The following CFAP43 variants were observed in gnomAD, a reference collection of about 807,000 sequenced individuals.
CFAP43 encodes cilia- and flagella-associated protein 43.
Under a neutral mutation model 218.9 loss-of-function variants are expected in CFAP43, and 155 were observed. The observed-to-expected ratio is 0.71, with a 90% confidence interval of 0.62 to 0.81. CFAP43 has a LOEUF of 0.81. Ranked by LOEUF, CFAP43 falls within the 30% of genes least tolerant of loss-of-function variation. The probability of loss-of-function intolerance (pLI) is 0.00; values close to 1 mark genes in which losing one functional copy is unlikely to be tolerated. For synonymous variants in CFAP43, 645 were observed against 681.3 expected (o/e 0.95, Z 0.83); for missense variants, 1,778 against 1,954.3 (o/e 0.91, Z 1.70).
Position 104,188,294 on chromosome 10 carries a change from T to A in CFAP43, c.1663A>T (p.Thr555Ser). The A allele has an allele frequency of 6.2e-7, 1 of 1,614,138 alleles. No individual in the cohort carries two copies. The change falls in exon 13 of 38, where the codon ACA becomes TCA. Residue 555 changes from threonine (T) to serine (S), a missense_variant. Thr to Ser is a moderately conservative substitution (Grantham distance 58, BLOSUM62 1). Transcript: ENST00000357060. ...EAGRSRLEMF[T>S]LPTLLPQVST... ...CCTTGTGGCAGTAATGTAGGCAGTG[T>A]GAACATCTCCAACCTGCTTCTCCCT...
At chr10:104,213,085 C>T (rs1018865363) in intron 4 of CFAP43, among the ~76,000 whole-genome samples, 1 of 152,070 alleles carries the variant, frequency 6.6e-6, no homozygotes, top group Non-Finnish European at 1.5e-5. Flanking sequence ...GAGATATCAC[C>T]CACTTTTATT....
Position 104,161,136 on chromosome 10 carries a change from TGCCATGA to T in CFAP43, c.3434_3440del (p.Phe1145Ter), listed in dbSNP as rs1398688364. 6.2e-7 allele frequency: 1 copy of T among 1,613,856 alleles called. No individual in the cohort carries two copies. Among genetic ancestry groups the T allele is most frequent in the Non-Finnish European group, 8.5e-7 (1 of 1,179,892 alleles). On this transcript the variant is annotated frameshift_variant, in exon 27 of 38. Coordinates refer to ENST00000357060, the MANE Select transcript of CFAP43 (RefSeq NM_025145.7). LOFTEE classifies it high-confidence loss of function. ...CTTCAGTCCACACAGCATCAGGTTT[TGCCATGA>T]AAGCAGGTTGAGGAATCACCTGAAG...
At chr10:104,153,258 T>C (rs1467833526) in intron 27 of CFAP43, among the ~76,000 whole-genome samples, 1 of 152,170 alleles carries the variant, frequency 6.6e-6, no homozygotes, top group Non-Finnish European at 1.5e-5. Context: ...TCCTCTCTTT[T>C]TAAAAAATTC....
At chr10:104,154,854 C>T (rs1304879163) in intron 27 of CFAP43, among the ~76,000 whole-genome samples, 1 of 152,204 alleles carries the variant, frequency 6.6e-6, no homozygotes, top group South Asian at 2.1e-4. Flanking sequence ...GTCTTTCTCA[C>T]TTTTCCAATG....
chr10:104,143,935 C>G (rs2087825909), intron 31 of CFAP43, among the ~76,000 whole-genome samples: 1 of 152,150 alleles, frequency 6.6e-6, no homozygotes, highest in African/African-American at 2.4e-5. Context: ...TGTAAGCAGG[C>G]AAATAAATCA....
At chr10:104,157,182 G>T (rs1029420103) in intron 27 of CFAP43, among the ~76,000 whole-genome samples, 1 of 152,212 alleles carries the variant, frequency 6.6e-6, no homozygotes, top group African/African-American at 2.4e-5. Flanking sequence ...ACTTTGTAGA[G>T]AACAAAGTGG....
In CFAP43 at chr10:104,192,181, C is replaced by G; in HGVS notation, c.1546+18G>C. On this transcript the variant is annotated intron_variant, in intron 12 of 37. Coordinates refer to ENST00000357060, the MANE Select transcript of CFAP43 (RefSeq NM_025145.7). ...GAAATAATCAATATTTTAAATTAATCAGCATTCTATGTTGTACCTGTGAAT... is the reference window on the plus strand; with the variant it reads ...GAAATAATCAATATTTTAAATTAATGAGCATTCTATGTTGTACCTGTGAAT... The G allele has an allele frequency of 1.3e-6, 2 of 1,526,004 alleles. No individual in the cohort carries two copies. The highest frequency in any genetic ancestry group is 1.8e-6 in the Non-Finnish European group (2 of 1,117,272). The allele number at this position is 1,526,004 out of a possible 1,614,324, so 94.5% of individuals were successfully genotyped here. A position where few individuals can be genotyped will look rare whatever the true frequency, so the allele number is the denominator to read the frequency against.
chr10:104,192,875 TG>T (rs2090272602), intron 11 of CFAP43: 1 of 155,032 alleles, frequency 6.5e-6, no homozygotes, highest in Non-Finnish European at 1.4e-5. Flanking sequence ...CAGTCCACAG[TG>T]GCAGGGCCAG....
At chr10:104,215,510 G>A (rs535744331) in intron 3 of CFAP43, among the ~76,000 whole-genome samples, 3 of 152,202 alleles carry the variant, frequency 2.0e-5, no homozygotes, top group East Asian at 1.9e-4. Flanking sequence ...GGCAAAGACC[G>A]TCATCCCTGG....
At position 104,225,487 on chromosome 10, in the gene CFAP43, A is replaced by G; in HGVS notation, c.390T>C (p.Ser130=). The G allele has an allele frequency of 6.2e-7, 1 of 1,612,670 alleles. No homozygotes were observed. The highest frequency in any genetic ancestry group is 8.5e-7 in the Non-Finnish European group (1 of 1,179,126). The part of the protein sequence containing the change: ...YCGTYLASYS[S]LPEFELALWN... ...AAAGGGCCAGTTCAAATTCTGGGAGAGAGGAGTAACTAGCCAGGTAGGTGC... is the reference window on the plus strand; with the variant it reads ...AAAGGGCCAGTTCAAATTCTGGGAGGGAGGAGTAACTAGCCAGGTAGGTGC... Residue 130 remains serine, a synonymous_variant, in exon 3 of 38, where the codon TCT becomes TCC. Transcript: ENST00000357060.
chr10:104,179,155 CAGAG>C (rs60561340), intron 18 of CFAP43, 49 bp from the exon 19 acceptor site: 147,492 of 1,027,724 alleles, frequency 0.14, 2,631 homozygotes, highest in Middle Eastern at 0.21. Context: ...AAATATCAGA[CAGAG>C]AGAGAGAGAG....
chr10:104,193,691 G>T, intron 11 of CFAP43, 175 bp downstream of exon 11: 1 of 791,210 alleles, frequency 1.3e-6, no homozygotes, highest in Non-Finnish European at 1.9e-6. Context: ...TGGGTATGGG[G>T]GGTACTTTAC....
intron 37 of CFAP43, 78 bp from the exon 38 acceptor site, chr10:104,130,383 T>A: frequency 6.6e-7 from 1 of 1,511,604 alleles, no homozygotes; most frequent in Non-Finnish European, 8.9e-7. Context: ...GAATCATACA[T>A]GTGGAAGAAA....
chr10:104,131,216 A>G (rs1296730206), intron 37 of CFAP43, 115 bp downstream of exon 37: 8 of 1,274,106 alleles, frequency 6.3e-6, no homozygotes, highest in Non-Finnish European at 8.6e-6. Flanking sequence ...AATTATTTTA[A>G]ACAATGTATT....
intron 12 of CFAP43, among the ~76,000 whole-genome samples, chr10:104,190,135 CAAAAAAAAAAAAAA>C: frequency 3.9e-5 from 2 of 50,772 alleles, no homozygotes; most frequent in South Asian, 8.4e-4. Flanking sequence ...GACTCCATCT[CAAAAAAAAAAAAAA>C]AAAAAAAAAA....
rs755524431 is a variant in CFAP43, at chr10:104,168,735, A to AT, written c.2691+8dup. ...CATCAGGTTTTGTACCTAGGGTTCT[A>AT]TCTGTTACCTTAAGAGCTCGACCTT... On this transcript the variant is annotated intron_variant, in intron 21 of 37. Transcript: ENST00000357060. 1.4e-5 allele frequency: 23 copies of AT among 1,608,246 alleles called. No homozygotes were observed. The highest frequency in any genetic ancestry group is 2.0e-5 in the Non-Finnish European group (23 of 1,174,824).
chr10:104,138,680 GA>G (rs78901676), intron 34 of CFAP43, among the ~76,000 whole-genome samples: 1,058 of 105,416 alleles, frequency 0.01, 16 homozygotes, highest in East Asian at 0.073. Flanking sequence ...AGTCTAAAAA[GA>G]AAAAAAAAAA....
At position 104,146,426 on chromosome 10, in the gene CFAP43, G is replaced by T. The variant is rs1308639856; in HGVS notation, c.3769-77C>A. 4 of 1,072,712 alleles carry T rather than the reference G, an allele frequency of 3.7e-6. No individual in the cohort carries two copies. In the Admixed American group the frequency reaches 7.0e-5, roughly 19 times the overall value. 66.4% of individuals were successfully genotyped at this position (1,072,712 alleles called of 1,614,324 possible). ...ACAAAAATATTGGGGATACTAAAAA[G>T]AGCAAGGAATTTCCTAGTACAAGAG... On this transcript the variant is annotated intron_variant, in intron 29 of 37. Transcript: ENST00000357060.
In CFAP43 at chr10:104,225,560, A is replaced by C; in HGVS notation, c.320-3T>G. On this transcript the variant is annotated splice_region_variant and splice_polypyrimidine_tract_variant and intron_variant, in intron 2 of 37. Coordinates refer to ENST00000357060, the MANE Select transcript of CFAP43 (RefSeq NM_025145.7). Reference sequence around the variant, plus strand: ...AGTGTAGTCCAGGAGAATGTTGCCTAAAATATAAAATCCATTATCAGGATT... The same window carrying C: ...AGTGTAGTCCAGGAGAATGTTGCCTCAAATATAAAATCCATTATCAGGATT... 6.2e-7 allele frequency: 1 copy of C among 1,606,180 alleles called. No homozygotes were observed. Among genetic ancestry groups the C allele is most frequent in the South Asian group, 1.1e-5 (1 of 89,974 alleles).
Sources: gnomAD v4.1 joint callset for allele counts (sites outside exome capture counted in the v4.1 genomes callset) on GRCh38, gnomAD v4.1.1 for gene constraint, MANE v1.5 for transcripts, NCBI Gene and HGNC (gene_info 2026-07-23, HGNC 2026-07-21) for gene names.